Variants in PDE3B observed in about 807,000 individuals in gnomAD.
PDE3B encodes cGMP-inhibited 3',5'-cyclic phosphodiesterase 3B.
PDE3B carries 66 observed loss-of-function variants against 116.8 expected under a neutral mutation model. The ratio of observed to expected loss-of-function variants is 0.56; its 90% CI spans 0.46 to 0.69. The LOEUF (loss-of-function observed/expected upper bound fraction) is 0.69. PDE3B is among the 30% of genes least tolerant of loss of function. The probability of loss-of-function intolerance (pLI) is 0.00; values close to 1 mark genes in which losing one functional copy is unlikely to be tolerated. For synonymous variants in PDE3B, 595 were observed against 533.6 expected (o/e 1.12, Z -1.59); for missense variants, 1,384 against 1,368.1 (o/e 1.01, Z -0.18).
Position 14,859,054 on chromosome 11 carries a change from C to A in PDE3B, c.2532C>A (p.Tyr844Ter), listed in dbSNP as rs1555006612. The A allele has an allele frequency of 6.2e-6, 10 of 1,610,698 alleles. No individual in the cohort carries two copies. The highest frequency in any genetic ancestry group is 8.5e-6 in the Non-Finnish European group (10 of 1,178,288). The part of the protein sequence containing the change: ...VATNAPQAVL[Y>*]NDRSVLENHH... ...ATATTTCTTTTTAGGCAGTTTTATA[C>A]AATGACAGATCTGTTCTGGAAAATC... The change falls in exon 13 of 16, where the codon TAC (tyrosine) becomes TAA (stop). Residue 844 changes from tyrosine to a stop codon, truncating the protein, a stop_gained. Transcript: ENST00000282096. LOFTEE classifies it high-confidence loss of function.
chr11:14,869,006 G>A (rs1555008558), intron 15 of PDE3B, among the ~76,000 whole-genome samples: 1 of 151,644 alleles, frequency 6.6e-6, no homozygotes, highest in Non-Finnish European at 1.5e-5. Context: ...GGGCGACAGA[G>A]CAAGACTCCG....
the PDE3B span, among the ~76,000 whole-genome samples, chr11:14,888,879 G>A: frequency 6.6e-6 from 1 of 152,026 alleles, no homozygotes; most frequent in Non-Finnish European, 1.5e-5. Context: ...GAAAATAATC[G>A]ATAAAGCCAC....
intron 1 of PDE3B, among the ~76,000 whole-genome samples, chr11:14,672,917 CT>C (rs36095953): frequency 0.37 from 51,711 of 141,492 alleles, 10,089 homozygotes; most frequent in South Asian, 0.47. Context: ...AAAAACTTTA[CT>C]TTTTTTTTTT....
chr11:14,661,705 TAGCACAG>T (rs1853919736), intron 1 of PDE3B, among the ~76,000 whole-genome samples: 1 of 152,178 alleles, frequency 6.6e-6, no homozygotes, highest in African/African-American at 2.4e-5. Flanking sequence ...CACTGATTGC[TAGCACAG>T]CAGTCTGAGA....
the PDE3B span, among the ~76,000 whole-genome samples, chr11:14,893,306 G>GT: frequency 5.3e-5 from 8 of 152,204 alleles, no homozygotes; most frequent in African/African-American, 1.9e-4. Context: ...AAAACGCCTG[G>GT]TGGTTGGGGA....
At chr11:14,745,587 G>A (rs908735824) in intron 1 of PDE3B, among the ~76,000 whole-genome samples, 2 of 152,150 alleles carry the variant, frequency 1.3e-5, no homozygotes, top group Non-Finnish European at 2.9e-5. Flanking sequence ...TTTGATGTTA[G>A]ACAGCTACTA....
chr11:14,830,523 G>A (rs1045673825), intron 7 of PDE3B, among the ~76,000 whole-genome samples, 175 bp from the exon 8 acceptor site: 1 of 152,016 alleles, frequency 6.6e-6, no homozygotes, highest in South Asian at 2.1e-4. Flanking sequence ...TGAGCATAAG[G>A]TATCTAGGCA....
At chr11:14,685,417 A>G (rs1486084144) in intron 1 of PDE3B, among the ~76,000 whole-genome samples, 2 of 147,520 alleles carry the variant, frequency 1.4e-5, no homozygotes, top group Admixed American at 6.8e-5. Context: ...TTGGAAGACA[A>G]TTAATCACTA....
chr11:14,661,856 G>A (rs1203908198), intron 1 of PDE3B, among the ~76,000 whole-genome samples: 1 of 152,204 alleles, frequency 6.6e-6, no homozygotes, highest in African/African-American at 2.4e-5. Context: ...GCCTGCTTCT[G>A]TAGGCTCCAC....
At chr11:14,646,874 T>A (rs1378360102) in intron 1 of PDE3B, among the ~76,000 whole-genome samples, 6 of 152,098 alleles carry the variant, frequency 3.9e-5, no homozygotes, top group Non-Finnish European at 8.8e-5. Context: ...AATTTCTTAG[T>A]GCAGAAAACC....
At chr11:14,805,324 A>G (rs1454323303) in intron 5 of PDE3B, among the ~76,000 whole-genome samples, 2 of 152,214 alleles carry the variant, frequency 1.3e-5, no homozygotes, top group East Asian at 3.8e-4. Context: ...CTCCAAAGAC[A>G]ATGGCATATT....
chr11:14,861,467 T>A (rs1555007171), intron 14 of PDE3B, 101 bp downstream of exon 14: 2 of 1,059,274 alleles, frequency 1.9e-6, no homozygotes, highest in Non-Finnish European at 2.8e-6. Flanking sequence ...GAAATCTGAG[T>A]TGCTTTGACT....
rs1445242305 is a variant in PDE3B, at chr11:14,804,039, T to G, written c.1511T>G (p.Leu504Arg). The change falls in exon 5 of 16, where the codon CTC becomes CGC. Residue 504 changes from leucine (L) to arginine (R), a missense_variant. By Grantham distance (102) the Leu-to-Arg change is moderately radical (BLOSUM62 -2). Coordinates refer to ENST00000282096, the MANE Select transcript of PDE3B (RefSeq NM_000922.4). Reference sequence around the variant, plus strand: ...GTATCACTGACTCACCATGTAGGTCTCAGAAGAGCTGGTAAGAAATCATTC... The same window carrying G: ...GTATCACTGACTCACCATGTAGGTCGCAGAAGAGCTGGTAAGAAATCATTC... ...SSVSLTHHVG[L>R]RRAGVLSSLS... is the part of the protein sequence containing the mutation. 6.3e-7 allele frequency: 1 copy of G among 1,581,780 alleles called. No individual in the cohort carries two copies. The highest frequency in any genetic ancestry group is 1.3e-5 in the African/African-American group (1 of 74,318).
chr11:14,658,143 G>C (rs1439068181), intron 1 of PDE3B, among the ~76,000 whole-genome samples: 1 of 152,054 alleles, frequency 6.6e-6, no homozygotes, highest in Non-Finnish European at 1.5e-5. Context: ...TGATTCTTTA[G>C]TCTAAACTTA....
the PDE3B span, chr11:14,878,999 TTTTTAGAATTGGGATATTTAA>T: frequency 3.5e-6 from 3 of 858,142 alleles, no homozygotes; most frequent in African/African-American, 5.1e-5. Context: ...CAGTTCTGTG[TTTTTAGAATTGGGATATTTAA>T]TTCTATAGAA....
chr11:14,838,456 A>T (rs778190831), intron 11 of PDE3B, among the ~76,000 whole-genome samples: 1 of 152,146 alleles, frequency 6.6e-6, no homozygotes, highest in Non-Finnish European at 1.5e-5. Context: ...AAAAGAGATC[A>T]TTTGGATAGA....
the PDE3B span, among the ~76,000 whole-genome samples, chr11:14,895,211 C>T: frequency 1.3e-5 from 2 of 152,204 alleles, no homozygotes; most frequent in South Asian, 4.1e-4. Flanking sequence ...ATGCAATCAG[C>T]GCAAATGTGC....
At chr11:14,752,127 A>C (rs1857072532) in intron 1 of PDE3B, among the ~76,000 whole-genome samples, 1 of 152,116 alleles carries the variant, frequency 6.6e-6, no homozygotes, top group African/African-American at 2.4e-5. Context: ...TTTATAAATC[A>C]ATTACATTTG....
chr11:14,708,939 A>T (rs1400930677), intron 1 of PDE3B, among the ~76,000 whole-genome samples: 2 of 152,138 alleles, frequency 1.3e-5, no homozygotes, highest in Non-Finnish European at 2.9e-5. Context: ...TAAATAAAAT[A>T]CTAAAAATGG....
Sources: allele counts gnomAD v4.1 joint callset (sites outside exome capture counted in the v4.1 genomes callset), GRCh38; gene constraint gnomAD v4.1.1; transcripts MANE v1.5; gene names NCBI Gene and HGNC (gene_info 2026-07-23, HGNC 2026-07-21).